The following CXADR variants were observed in gnomAD, a reference collection of about 807,000 sequenced individuals.
CXADR encodes the protein CXADR cell adhesion molecule, also known as coxsackievirus and adenovirus receptor.
CXADR carries 20 observed loss-of-function variants against 40.3 expected under a neutral mutation model. That is an observed-to-expected ratio of 0.50 (90% CI 0.35 to 0.72). The LOEUF (loss-of-function observed/expected upper bound fraction) is 0.72. CXADR is among the 30% of genes least tolerant of loss of function. The pLI is 0.01. For missense variants in CXADR, 332 were observed against 449.1 expected (o/e 0.74, Z 2.36); for synonymous variants, 150 against 161.3 (o/e 0.93, Z 0.53).
At chr21:17,635,242 G>C in the CXADR span, among the ~76,000 whole-genome samples, 1 of 152,330 alleles carries the variant, frequency 6.6e-6, no homozygotes, top group African/African-American at 2.4e-5. Flanking sequence ...GAGCACTAAA[G>C]TTTACATCAG....
chr21:17,626,524 T>A, the CXADR span, among the ~76,000 whole-genome samples: 2 of 152,246 alleles, frequency 1.3e-5, no homozygotes, highest in African/African-American at 4.8e-5. Context: ...ATCAGCATTT[T>A]TTTTAGCAAG....
chr21:17,619,873 C>A, the CXADR span, among the ~76,000 whole-genome samples: 1 of 151,894 alleles, frequency 6.6e-6, no homozygotes, highest in Non-Finnish European at 1.5e-5. Flanking sequence ...CATGGACCAA[C>A]CTCTGATAGC....
At chr21:17,539,554 A>C (rs1188179938) in intron 1 of CXADR, among the ~76,000 whole-genome samples, 1 of 152,198 alleles carries the variant, frequency 6.6e-6, no homozygotes, top group Non-Finnish European at 1.5e-5. Flanking sequence ...TGGATTTTGC[A>C]TAAGAAGCAG....
rs532120259 is a variant in CXADR at position 17,546,111 on chromosome 21, G to A, written c.44-916G>A. Among the ~76,000 whole-genome samples, 164 of 152,216 alleles carry A rather than the reference G, an allele frequency of 1.1e-3. 1 individual carries two copies. The highest frequency in any genetic ancestry group is 3.8e-3 in the African/African-American group (158 of 41,532). On this transcript the variant is annotated intron_variant, in intron 1 of 6. Transcript: ENST00000284878. The stretch of plus-strand genomic sequence containing the variant: ...TTTAAAAGATAAGTAAATTGACAGT[G>A]TTCCTTTTCTTTTTGAATTATCCTC...
At chr21:17,555,398 T>C (rs2061021460) in intron 3 of CXADR, among the ~76,000 whole-genome samples, 1 of 152,230 alleles carries the variant, frequency 6.6e-6, no homozygotes, top group South Asian at 2.1e-4. Flanking sequence ...TTTTTAGTTT[T>C]ATGGAAAAGT....
chr21:17,577,341 C>T (rs1018683756), intron 7 of CXADR, among the ~76,000 whole-genome samples: 2 of 151,956 alleles, frequency 1.3e-5, no homozygotes, highest in African/African-American at 4.8e-5. Context: ...TTATTGTATC[C>T]TAAACATCTG....
At chr21:17,538,494 A>C (rs1470033435) in intron 1 of CXADR, among the ~76,000 whole-genome samples, 1 of 152,128 alleles carries the variant, frequency 6.6e-6, no homozygotes, top group Non-Finnish European at 1.5e-5. Flanking sequence ...CAGACATGTC[A>C]GTGACGTCTT....
intron 1 of CXADR, among the ~76,000 whole-genome samples, chr21:17,537,005 G>A (rs941518677): frequency 7.2e-5 from 11 of 152,098 alleles, no homozygotes; most frequent in African/African-American, 1.7e-4. Flanking sequence ...TGATCCGCCC[G>A]TCTCAGCCTC....
At chr21:17,599,410 G>T in the CXADR span, among the ~76,000 whole-genome samples, 1 of 151,022 alleles carries the variant, frequency 6.6e-6, no homozygotes, top group Non-Finnish European at 1.5e-5. Context: ...AAACTCCTAG[G>T]CTCAAGAGAT....
the CXADR span, among the ~76,000 whole-genome samples, chr21:17,620,720 TA>T: frequency 2.8e-4 from 42 of 147,762 alleles, no homozygotes; most frequent in African/African-American, 6.9e-4. Context: ...AGAAATAACG[TA>T]AAAAAAAAAC....
chr21:17,612,416 C>G, the CXADR span: 6 of 152,244 alleles, frequency 3.9e-5, no homozygotes, highest in Admixed American at 2.6e-4. Flanking sequence ...CGGAATGTAA[C>G]GCGCTGTGGG....
intron 7 of CXADR, among the ~76,000 whole-genome samples, chr21:17,583,556 C>A (rs905269961): frequency 1.3e-5 from 2 of 152,132 alleles, no homozygotes; most frequent in Non-Finnish European, 2.9e-5. Flanking sequence ...TTGAAATACG[C>A]TACCATCTCA....
chr21:17,605,600 T>C, the CXADR span, among the ~76,000 whole-genome samples: 1 of 152,196 alleles, frequency 6.6e-6, no homozygotes, highest in African/African-American at 2.4e-5. Flanking sequence ...TTAACTTCTA[T>C]TTACCCAAGC....
chr21:17,600,959 C>T, the CXADR span, among the ~76,000 whole-genome samples: 2 of 148,562 alleles, frequency 1.3e-5, no homozygotes, highest in Admixed American at 1.3e-4. Context: ...GTCAGGCGTT[C>T]GAGGCCAGCC....
downstream of CXADR, chr21:17,570,136 A>T (rs381861): frequency 0.12 from 123,028 of 985,188 alleles, 7,880 homozygotes; most frequent in Middle Eastern, 0.14. Flanking sequence ...TGTGCCTTTT[A>T]TACAGTGTCC....
At chr21:17,611,008 C>T in the CXADR span, among the ~76,000 whole-genome samples, 8 of 152,108 alleles carry the variant, frequency 5.3e-5, no homozygotes, top group Non-Finnish European at 1.0e-4. Context: ...TCCCAGAACC[C>T]TAGAATGAGA....
At chr21:17,565,204 A>G (rs1407205220) in intron 6 of CXADR, among the ~76,000 whole-genome samples, 1 of 152,164 alleles carries the variant, frequency 6.6e-6, no homozygotes, top group Non-Finnish European at 1.5e-5. Context: ...GTGTGAAGTT[A>G]TAACTCTTTA....
intron 1 of CXADR, chr21:17,518,743 A>G: frequency 6.3e-7 from 1 of 1,591,990 alleles, no homozygotes; most frequent in Non-Finnish European, 8.6e-7. Context: ...ATGACCAGTA[A>G]TTGCAAAGGT....
At chr21:17,594,180 G>A, downstream of CXADR, 3 of 1,613,306 alleles carry the variant, frequency 1.9e-6, no homozygotes, top group South Asian at 1.1e-5. Flanking sequence ...CTGGAATTGG[G>A]CGATATGGTT....
Sources: gnomAD v4.1 joint callset for allele counts (sites outside exome capture counted in the v4.1 genomes callset) on GRCh38, gnomAD v4.1.1 for gene constraint, MANE v1.5 for transcripts, NCBI Gene and HGNC (gene_info 2026-07-23, HGNC 2026-07-21) for gene names.